The following DMD variants were observed in gnomAD, a reference collection of about 807,000 sequenced individuals.
The protein encoded by DMD is mutant dystrophin.
Under a neutral mutation model 330.1 loss-of-function variants are expected in DMD, and 63 were observed. The observed-to-expected ratio is 0.19, with a 90% confidence interval of 0.16 to 0.24. The LOEUF is 0.24. Ranked by LOEUF, DMD falls within the 10% of genes least tolerant of loss-of-function variation. The pLI is 1.00. For synonymous variants in DMD, 1,223 were observed against 959.8 expected (o/e 1.27, Z -5.07); for missense variants, 3,344 against 2,684.1 (o/e 1.25, Z -5.43).
chrX:33,263,951 A>G (rs1262100232), intron 1 of DMD, among the ~76,000 whole-genome samples: 2 of 111,389 alleles, frequency 1.8e-5, no homozygotes, highest in African/African-American at 6.5e-5. Context: ...TATAAAAATA[A>G]TCTTACACTT....
chrX:32,329,852 A>G (rs1213100474), intron 41 of DMD, among the ~76,000 whole-genome samples: 1 of 112,757 alleles, frequency 8.9e-6, no homozygotes, highest in Non-Finnish European at 1.9e-5. Flanking sequence ...CCAGAAAAAC[A>G]GTTAACAATG....
chrX:32,550,744 A>C (rs938907529), intron 16 of DMD, among the ~76,000 whole-genome samples: 3 of 110,891 alleles, frequency 2.7e-5, no homozygotes, highest in Non-Finnish European at 5.7e-5. Flanking sequence ...ACCTAGAATA[A>C]TAAAGAAAAA....
intron 43 of DMD, among the ~76,000 whole-genome samples, chrX:32,268,189 G>A (rs904907275): frequency 5.4e-5 from 6 of 110,894 alleles, no homozygotes; most frequent in African/African-American, 2.0e-4. Flanking sequence ...GATCCAGGTG[G>A]AGCTCACCCA....
intron 7 of DMD, among the ~76,000 whole-genome samples, chrX:32,727,894 T>G (rs7890491): frequency 0.015 from 1,666 of 111,824 alleles, 33 homozygotes; most frequent in African/African-American, 0.051. Flanking sequence ...CTTTTGTTTT[T>G]AATTTAACTT....
At chrX:33,074,803 T>A (rs892218417) in intron 1 of DMD, among the ~76,000 whole-genome samples, 3 of 111,388 alleles carry the variant, frequency 2.7e-5, no homozygotes, top group African/African-American at 9.8e-5. Flanking sequence ...TTGCAAAAAT[T>A]ATAACGGTGA....
At chrX:32,860,419 G>A (rs1303126216) in intron 2 of DMD, among the ~76,000 whole-genome samples, 1 of 111,768 alleles carries the variant, frequency 8.9e-6, no homozygotes, top group Non-Finnish European at 1.9e-5. Context: ...AGATACTTCT[G>A]CAATTACAAA....
chrX:31,434,103 G>C (rs940651758), intron 60 of DMD, among the ~76,000 whole-genome samples: 2 of 110,934 alleles, frequency 1.8e-5, no homozygotes, highest in Non-Finnish European at 3.8e-5. Context: ...ATAGATTTTC[G>C]TAAGTGCTGT....
chrX:31,254,871 T>C (rs1304315111), intron 63 of DMD, among the ~76,000 whole-genome samples: 1 of 108,539 alleles, frequency 9.2e-6, no homozygotes, highest in Non-Finnish European at 1.9e-5. Flanking sequence ...AAGACCTCCA[T>C]CTCTACAAAA....
At chrX:31,267,427 TAA>T (rs1262004647) in intron 62 of DMD, among the ~76,000 whole-genome samples, 3 of 112,814 alleles carry the variant, frequency 2.7e-5, no homozygotes. Context: ...AAGGGATTGT[TAA>T]AAAGACTTTG....
chrX:32,644,458 T>C lies in DMD; in HGVS notation c.1150-145A>G, dbSNP rs896522422. ...AGGAATTTAATTTGTATTTGCAGAA[T>C]CCCAAAACCACTTTTAATATGAATT... On this transcript the variant is annotated intron_variant, in intron 10 of 78. Transcript: ENST00000357033. The C allele has an allele frequency of 1.0e-4, 64 of 641,132 alleles. No individual in the cohort carries two copies. In the African/African-American group the frequency reaches 1.4e-3, roughly 14 times the overall value. 52.8% of individuals were successfully genotyped at this position (641,132 alleles called of 1,213,427 possible).
At chrX:33,108,888 AAG>A (rs1219606356) in intron 1 of DMD, among the ~76,000 whole-genome samples, 2 of 102,518 alleles carry the variant, frequency 2.0e-5, no homozygotes, top group African/African-American at 6.9e-5. Context: ...AAAAAAGAAG[AAG>A]AGAGAGAAGT....
chrX:31,959,393 G>T (rs773163744), intron 45 of DMD, among the ~76,000 whole-genome samples: 5 of 111,806 alleles, frequency 4.5e-5, no homozygotes, highest in Non-Finnish European at 9.4e-5. Context: ...AACTTGATTA[G>T]GGTAAGTGGA....
intron 7 of DMD, among the ~76,000 whole-genome samples, chrX:32,746,362 T>C (rs969328970): frequency 8.9e-6 from 1 of 112,018 alleles, no homozygotes; most frequent in Non-Finnish European, 1.9e-5. Flanking sequence ...ATCTACACCA[T>C]CCAGCAGAAT....
chrX:32,230,221 C>T (rs1434560757), intron 43 of DMD, among the ~76,000 whole-genome samples: 4 of 108,573 alleles, frequency 3.7e-5, no homozygotes, highest in African/African-American at 1.4e-4. Context: ...TGAAAAGAAA[C>T]ATGGTTTTTT....
chrX:32,397,827 G>A (rs780948727), intron 30 of DMD, among the ~76,000 whole-genome samples: 72 of 111,255 alleles, frequency 6.5e-4, no homozygotes, highest in African/African-American at 2.2e-3. Flanking sequence ...TACTGCAGCA[G>A]GCTAAAGTAC....
chrX:31,444,388 T>C (rs961302098), intron 60 of DMD, 93 bp downstream of exon 60: 40 of 988,523 alleles, frequency 4.0e-5, no homozygotes, highest in Non-Finnish European at 5.6e-5. Flanking sequence ...CCATGAACAT[T>C]ACATGAAAAA....
At chrX:32,877,512 C>G (rs1425736357) in intron 2 of DMD, among the ~76,000 whole-genome samples, 2 of 111,640 alleles carry the variant, frequency 1.8e-5, no homozygotes, top group Non-Finnish European at 3.8e-5. Flanking sequence ...TAATTGGGTC[C>G]ACGTAATCTT....
intron 60 of DMD, among the ~76,000 whole-genome samples, chrX:31,406,004 A>C (rs1478358466): frequency 1.8e-5 from 2 of 112,304 alleles, no homozygotes; most frequent in East Asian, 5.6e-4. Flanking sequence ...CAAACAGTGC[A>C]TGAATTTCAG....
chrX:32,851,725 T>C (rs925493353), intron 2 of DMD, among the ~76,000 whole-genome samples: 2 of 112,541 alleles, frequency 1.8e-5, no homozygotes, highest in Admixed American at 9.4e-5. Flanking sequence ...ATGTCTCATG[T>C]AGACGATCTG....
Sources: allele counts gnomAD v4.1 joint callset (sites outside exome capture counted in the v4.1 genomes callset), GRCh38; gene constraint gnomAD v4.1.1; transcripts MANE v1.5; gene names NCBI Gene and HGNC (gene_info 2026-07-23, HGNC 2026-07-21).